Variants in HS3ST4 observed in about 807,000 individuals in gnomAD.
HS3ST4 encodes the protein heparan sulfate glucosamine 3-O-sulfotransferase 4.
HS3ST4 carries 17 observed loss-of-function variants against 29.2 expected under a neutral mutation model. The ratio of observed to expected loss-of-function variants is 0.58; its 90% CI spans 0.40 to 0.87. The LOEUF (loss-of-function observed/expected upper bound fraction) is 0.87, where lower values mean the gene tolerates loss of function less well. HS3ST4 is among the 40% of genes least tolerant of loss of function. The pLI is 0.00. For missense variants in HS3ST4, 627 were observed against 634.5 expected, an observed-to-expected ratio of 0.99 and a Z score of 0.13; for synonymous variants, 314 against 285.7, an observed-to-expected ratio of 1.10 and a Z score of -1.00.
intron 1 of HS3ST4, among the ~76,000 whole-genome samples, chr16:26,057,435 A>G (rs1364159629): frequency 6.6e-6 from 1 of 152,216 alleles, no homozygotes. Flanking sequence ...AAAGGCATGT[A>G]GGAAGAAGTG....
chr16:26,103,468 G>A (rs1455820704), intron 1 of HS3ST4, among the ~76,000 whole-genome samples: 1 of 152,120 alleles, frequency 6.6e-6, no homozygotes, highest in Non-Finnish European at 1.5e-5. Flanking sequence ...GATACTAAAT[G>A]TGTGTGTGGT....
At chr16:26,046,870 A>G (rs1044494303) in intron 1 of HS3ST4, among the ~76,000 whole-genome samples, 3 of 152,156 alleles carry the variant, frequency 2.0e-5, no homozygotes, top group Non-Finnish European at 4.4e-5. Flanking sequence ...CAGATGCAGA[A>G]ATGAGTCACT....
chr16:25,872,300 G>GTTCA (rs1353986119), intron 1 of HS3ST4, among the ~76,000 whole-genome samples: 16 of 152,204 alleles, frequency 1.1e-4, no homozygotes, highest in Non-Finnish European at 1.5e-5. Context: ...CACTTAGTCT[G>GTTCA]CTGGAGTGGT....
At chr16:25,792,491 C>G (rs1448963699) in intron 1 of HS3ST4, among the ~76,000 whole-genome samples, 1 of 151,894 alleles carries the variant, frequency 6.6e-6, no homozygotes, top group Non-Finnish European at 1.5e-5. Context: ...TTATAGAGGA[C>G]TGTTGAGGCT....
At chr16:25,975,555 G>A (rs940541995) in intron 1 of HS3ST4, among the ~76,000 whole-genome samples, 4 of 152,136 alleles carry the variant, frequency 2.6e-5, no homozygotes, top group African/African-American at 4.8e-5. Context: ...CTAAAGGAAA[G>A]GTTGAAATTA....
At position 25,868,346 on chromosome 16, in the gene HS3ST4, G is replaced by A. The variant is rs766244168; in HGVS notation, c.734+175195G>A. On this transcript the variant is annotated intron_variant, in intron 1 of 1. Coordinates refer to ENST00000331351, the MANE Select transcript of HS3ST4 (RefSeq NM_006040.3). ...AGATTCATTGTAAGATACTAAATCC[G>A]GATGCAACAGCAGGCATCACAACCT... Among the ~76,000 whole-genome samples the A allele has an allele frequency of 1.3e-4, 20 of 151,992 alleles. 1 individual carries two copies. The highest frequency in any genetic ancestry group is 1.2e-3 in the Admixed American group (18 of 15,258).
intron 1 of HS3ST4, among the ~76,000 whole-genome samples, chr16:25,896,934 T>C (rs1316419945): frequency 6.6e-6 from 1 of 152,040 alleles, no homozygotes; most frequent in Non-Finnish European, 1.5e-5. Flanking sequence ...CACTTATCAG[T>C]GGGAGCTTAA....
At chr16:25,956,030 G>T (rs1968728668) in intron 1 of HS3ST4, among the ~76,000 whole-genome samples, 1 of 151,830 alleles carries the variant, frequency 6.6e-6, no homozygotes. Context: ...AGGTCAAGCT[G>T]GTCTTGAACT....
intron 1 of HS3ST4, among the ~76,000 whole-genome samples, chr16:26,115,360 A>G (rs1187130649): frequency 6.6e-6 from 1 of 152,046 alleles, no homozygotes; most frequent in Admixed American, 6.5e-5. Flanking sequence ...TGGGTAGCAT[A>G]GAGAGACAGG....
At chr16:25,702,874 T>A (rs1248411723) in intron 1 of HS3ST4, among the ~76,000 whole-genome samples, 1 of 151,960 alleles carries the variant, frequency 6.6e-6, no homozygotes, top group African/African-American at 2.4e-5. Flanking sequence ...AACTCAACTC[T>A]TAAGAGTTGA....
chr16:25,868,679 G>A (rs1253066207), intron 1 of HS3ST4, among the ~76,000 whole-genome samples: 3 of 152,174 alleles, frequency 2.0e-5, no homozygotes, highest in Admixed American at 2.0e-4. Flanking sequence ...ATTTTTTAAG[G>A]AGCAAATGTA....
intron 1 of HS3ST4, among the ~76,000 whole-genome samples, chr16:26,082,874 C>A (rs1393333603): frequency 6.6e-6 from 1 of 152,194 alleles, no homozygotes; most frequent in Non-Finnish European, 1.5e-5. Flanking sequence ...AGAAATAAAC[C>A]TTTGTTGTTT....
At chr16:25,948,729 G>C (rs1968654928) in intron 1 of HS3ST4, among the ~76,000 whole-genome samples, 2 of 152,096 alleles carry the variant, frequency 1.3e-5, no homozygotes, top group Admixed American at 1.3e-4. Context: ...TATGCCTAAT[G>C]CTGATGGCTG....
At chr16:25,781,853 C>T (rs1966852913) in intron 1 of HS3ST4, among the ~76,000 whole-genome samples, 1 of 152,140 alleles carries the variant, frequency 6.6e-6, no homozygotes, top group African/African-American at 2.4e-5. Flanking sequence ...CTGAAAGCTT[C>T]TAGTCATCTT....
rs1003392588 is a variant in HS3ST4 at position 26,109,658 on chromosome 16, T to C, written c.735-25954T>C. On this transcript the variant is annotated intron_variant, in intron 1 of 1. Transcript: ENST00000331351. ...CCTGTATACACTGCAGTGTACACGGTCTTATATTGTCAATGCCCAGTTCTC... is the reference window on the plus strand; with the variant it reads ...CCTGTATACACTGCAGTGTACACGGCCTTATATTGTCAATGCCCAGTTCTC... Among the ~76,000 whole-genome samples the C allele has an allele frequency of 2.6e-5, 4 of 151,852 alleles. No homozygotes were observed. In the East Asian group the frequency reaches 7.7e-4, roughly 29 times the overall value.
At chr16:25,928,074 C>T (rs1035838780) in intron 1 of HS3ST4, among the ~76,000 whole-genome samples, 9 of 149,504 alleles carry the variant, frequency 6.0e-5, no homozygotes, top group East Asian at 2.0e-4. Context: ...CCAGGCATGC[C>T]GGTGCTTGCT....
At chr16:25,955,817 C>CTT (rs67504831) in intron 1 of HS3ST4, among the ~76,000 whole-genome samples, 3,718 of 142,142 alleles carry the variant, frequency 0.026, 153 homozygotes, top group African/African-American at 0.077. Context: ...GTGATGTATA[C>CTT]TTTTTTTTTT....
chr16:25,709,683 AG>A (rs1469139656), intron 1 of HS3ST4, among the ~76,000 whole-genome samples: 5 of 152,036 alleles, frequency 3.3e-5, no homozygotes, highest in African/African-American at 1.2e-4. Context: ...TTTAACCGAG[AG>A]GGGAAGAATG....
intron 1 of HS3ST4, among the ~76,000 whole-genome samples, chr16:25,694,450 A>G (rs1049814051): frequency 2.6e-5 from 4 of 152,218 alleles, no homozygotes; most frequent in African/African-American, 9.6e-5. Flanking sequence ...GGAAGCAGCA[A>G]ATGTGTCTGT....
Sources: allele counts gnomAD v4.1 joint callset (sites outside exome capture counted in the v4.1 genomes callset), GRCh38; gene constraint gnomAD v4.1.1; transcripts MANE v1.5; gene names NCBI Gene and HGNC (gene_info 2026-07-23, HGNC 2026-07-21).